The following CNBD1 variants were observed in gnomAD, a reference collection of about 807,000 sequenced individuals.
The protein encoded by CNBD1 is cyclic nucleotide-binding domain-containing protein 1.
A neutral mutation model predicts 54.4 loss-of-function variants in CNBD1; 71 were observed. That is an observed-to-expected ratio of 1.30 (90% CI 1.08 to 1.59). The LOEUF (loss-of-function observed/expected upper bound fraction) is 1.59, where lower values mean the gene tolerates loss of function less well. Among genes scored for constraint, CNBD1 ranks in the 40% most tolerant of loss-of-function variants. The pLI is 0.00. For missense variants in CNBD1, 659 were observed against 518.0 expected (o/e 1.27, Z -2.64); for synonymous variants, 182 against 170.7 (o/e 1.07, Z -0.51).
chr8:87,212,757 A>G (rs768237254), intron 5 of CNBD1, among the ~76,000 whole-genome samples: 10 of 152,190 alleles, frequency 6.6e-5, no homozygotes, highest in Non-Finnish European at 1.3e-4. Context: ...AAACTTTTAG[A>G]AGAAAAACTT....
intron 4 of CNBD1, among the ~76,000 whole-genome samples, chr8:86,997,553 C>A (rs892578936): frequency 3.3e-5 from 5 of 152,118 alleles, no homozygotes; most frequent in African/African-American, 1.2e-4. Context: ...AGAAATATCA[C>A]CTCTGAGGCT....
chr8:87,241,564 A>G lies in CNBD1; in HGVS notation c.771+4452A>G, dbSNP rs192968177. Among the ~76,000 whole-genome samples the G allele has an allele frequency of 7.8e-3, 1,180 of 152,006 alleles. 14 individuals are homozygous for G. Among genetic ancestry groups the G allele is most frequent in the African/African-American group, 0.019 (789 of 41,452 alleles). On this transcript the variant is annotated intron_variant, in intron 6 of 10. Coordinates refer to ENST00000518476, the MANE Select transcript of CNBD1 (RefSeq NM_173538.3). ...TGGGATTACAGGCGTGAGCCACTGC[A>G]CCCCGCCCATGGAAGATTTTTGAAT...
chr8:87,274,205 A>G (rs1808428326), intron 6 of CNBD1, among the ~76,000 whole-genome samples: 1 of 151,166 alleles, frequency 6.6e-6, no homozygotes, highest in African/African-American at 2.4e-5. Context: ...AGTCTTTGCT[A>G]TCGTGAATGG....
intron 4 of CNBD1, among the ~76,000 whole-genome samples, chr8:87,123,282 C>T (rs538795805): frequency 2.0e-5 from 3 of 151,656 alleles, no homozygotes; most frequent in African/African-American, 7.2e-5. Context: ...GGTCAGAAGA[C>T]AAATTTTAAC....
chr8:87,129,042 C>T (rs1235680688), intron 4 of CNBD1, among the ~76,000 whole-genome samples: 5 of 104,912 alleles, frequency 4.8e-5, no homozygotes, highest in Admixed American at 1.4e-4. Flanking sequence ...TGTACTCCAG[C>T]CTGAGCCACA....
intron 4 of CNBD1, among the ~76,000 whole-genome samples, chr8:87,017,342 C>T (rs1287531070): frequency 1.3e-5 from 2 of 152,172 alleles, no homozygotes; most frequent in African/African-American, 4.8e-5. Flanking sequence ...TAAATCTGCT[C>T]ATGTAAATTC....
chr8:87,017,840 G>A (rs1261363158), intron 4 of CNBD1, among the ~76,000 whole-genome samples: 2 of 152,066 alleles, frequency 1.3e-5, no homozygotes, highest in Admixed American at 1.3e-4. Context: ...CAATATAGTT[G>A]TCTGCATAAG....
chr8:87,409,523 C>T (rs1364468556), intron 2 of CNBD1, among the ~76,000 whole-genome samples: 1 of 152,136 alleles, frequency 6.6e-6, no homozygotes, highest in Non-Finnish European at 1.5e-5. Context: ...AAAATAGCTA[C>T]AGTAAACAAT....
chr8:86,912,613 C>T (rs1324027451), intron 3 of CNBD1, among the ~76,000 whole-genome samples: 1 of 152,030 alleles, frequency 6.6e-6, no homozygotes, highest in Non-Finnish European at 1.5e-5. Context: ...ATGTATAGTA[C>T]ATAATACTTG....
chr8:86,932,040 A>C (rs1809466469), intron 3 of CNBD1, among the ~76,000 whole-genome samples: 1 of 152,184 alleles, frequency 6.6e-6, no homozygotes, highest in Non-Finnish European at 1.5e-5. Flanking sequence ...GCTGACCAGT[A>C]GGGAGTTTGT....
chr8:87,094,009 T>A, intron 4 of CNBD1, among the ~76,000 whole-genome samples: 1 of 152,280 alleles, frequency 6.6e-6, no homozygotes, highest in South Asian at 2.1e-4. Flanking sequence ...TAGAACACAC[T>A]TAACCTGCAC....
At chr8:87,304,187 G>A (rs571452061) in intron 8 of CNBD1, among the ~76,000 whole-genome samples, 16 of 151,908 alleles carry the variant, frequency 1.1e-4, no homozygotes, top group South Asian at 4.2e-4. Context: ...ACATGCACAC[G>A]TATGTTTATT....
chr8:87,395,625 T>A (rs570244549), intron 2 of CNBD1, among the ~76,000 whole-genome samples: 17 of 151,922 alleles, frequency 1.1e-4, no homozygotes, highest in Non-Finnish European at 2.2e-4. Context: ...TCATTCTCTC[T>A]AAAAGCAGTA....
intron 3 of CNBD1, among the ~76,000 whole-genome samples, chr8:86,908,502 A>G (rs1809051226): frequency 6.6e-6 from 1 of 152,200 alleles, no homozygotes. Context: ...GGCAGACAAT[A>G]TTAATCCCCT....
chr8:87,176,003 C>T (rs1387782229), intron 4 of CNBD1, among the ~76,000 whole-genome samples: 1 of 152,172 alleles, frequency 6.6e-6, no homozygotes, highest in East Asian at 1.9e-4. Context: ...GATAGGGCAG[C>T]ACTGAGTTTA....
At chr8:87,151,848 T>C (rs1049797166) in intron 4 of CNBD1, among the ~76,000 whole-genome samples, 2 of 152,198 alleles carry the variant, frequency 1.3e-5, no homozygotes, top group Non-Finnish European at 2.9e-5. Flanking sequence ...TGGTCTATAC[T>C]TCTTCATATT....
chr8:87,355,125 A>T (rs370985170), intron 10 of CNBD1, among the ~76,000 whole-genome samples: 1 of 152,174 alleles, frequency 6.6e-6, no homozygotes, highest in East Asian at 1.9e-4. Context: ...GGGATACTCA[A>T]GTGAGTGTTT....
intron 4 of CNBD1, among the ~76,000 whole-genome samples, chr8:87,038,757 G>A (rs537069097): frequency 6.6e-6 from 1 of 152,264 alleles, no homozygotes; most frequent in African/African-American, 2.4e-5. Context: ...AGTTAGCTTG[G>A]CCCAAGCCCT....
intron 10 of CNBD1, among the ~76,000 whole-genome samples, chr8:87,358,564 T>TAA (rs1810465738): frequency 2.3e-5 from 3 of 131,798 alleles, no homozygotes; most frequent in Non-Finnish European, 5.2e-5. Flanking sequence ...ACAAAGTTCT[T>TAA]CAAAAAAAAC....
Sources: gnomAD v4.1 joint callset for allele counts (sites outside exome capture counted in the v4.1 genomes callset) on GRCh38, gnomAD v4.1.1 for gene constraint, MANE v1.5 for transcripts, NCBI Gene and HGNC (gene_info 2026-07-23, HGNC 2026-07-21) for gene names.